Variants in GALNT17 observed in about 807,000 individuals in gnomAD.
GALNT17 encodes the protein polypeptide N-acetylgalactosaminyltransferase 17.
A neutral mutation model predicts 63.7 loss-of-function variants in GALNT17; 29 were observed. That is an observed-to-expected ratio of 0.46 (90% CI 0.34 to 0.62). The LOEUF (loss-of-function observed/expected upper bound fraction) is 0.62. Ranked by LOEUF, GALNT17 falls within the 20% of genes least tolerant of loss-of-function variation. The probability of loss-of-function intolerance (pLI) is 0.01; values close to 1 mark genes in which losing one functional copy is unlikely to be tolerated. For missense variants in GALNT17, 603 were observed against 799.6 expected, an observed-to-expected ratio of 0.75 and a Z score of 2.97; for synonymous variants, 305 against 318.3, an observed-to-expected ratio of 0.96 and a Z score of 0.45.
chr7:71,146,866 C>G (rs1788033247), intron 1 of GALNT17, among the ~76,000 whole-genome samples: 1 of 152,142 alleles, frequency 6.6e-6, no homozygotes, highest in South Asian at 2.1e-4. Flanking sequence ...CGTTCAGACA[C>G]CAACACACGA....
At chr7:71,355,192 TCTG>T (rs1792261902) in intron 2 of GALNT17, among the ~76,000 whole-genome samples, 1 of 152,190 alleles carries the variant, frequency 6.6e-6, no homozygotes, top group Non-Finnish European at 1.5e-5. Flanking sequence ...CTTATTGAGT[TCTG>T]CTTTTTATGT....
intron 1 of GALNT17, among the ~76,000 whole-genome samples, chr7:71,226,600 C>T (rs1440722286): frequency 1.3e-5 from 2 of 152,138 alleles, no homozygotes; most frequent in African/African-American, 4.8e-5. Flanking sequence ...CCACCTCAGC[C>T]TCCAAAGTAG....
At chr7:71,427,346 T>C (rs1400359838) in intron 5 of GALNT17, among the ~76,000 whole-genome samples, 2 of 152,050 alleles carry the variant, frequency 1.3e-5, no homozygotes, top group Non-Finnish European at 2.9e-5. Flanking sequence ...TCTGCCTGCC[T>C]CAGCCCCCTA....
intron 1 of GALNT17, among the ~76,000 whole-genome samples, chr7:71,274,070 G>A (rs567064796): frequency 3.2e-4 from 49 of 152,332 alleles, no homozygotes; most frequent in East Asian, 1.9e-3. Flanking sequence ...TGGGTAGGGC[G>A]AGGGCATATG....
At chr7:71,150,896 C>T (rs1011375912) in intron 1 of GALNT17, among the ~76,000 whole-genome samples, 4 of 148,576 alleles carry the variant, frequency 2.7e-5, no homozygotes, top group African/African-American at 7.5e-5. Flanking sequence ...GTCCCAGCTA[C>T]GTGGGAGGTT....
intron 2 of GALNT17, among the ~76,000 whole-genome samples, chr7:71,337,008 T>C (rs1049389480): frequency 1.3e-5 from 2 of 152,172 alleles, no homozygotes; most frequent in Admixed American, 6.5e-5. Flanking sequence ...GTTATTTTTT[T>C]TACTTTTTAA....
chr7:71,483,837 T>C (rs573400155), intron 5 of GALNT17, among the ~76,000 whole-genome samples: 2 of 152,326 alleles, frequency 1.3e-5, no homozygotes, highest in Non-Finnish European at 2.9e-5. Flanking sequence ...TTTCTTTCTT[T>C]ATAGCTTTAA....
At chr7:71,281,895 G>A (rs1367902733) in intron 1 of GALNT17, among the ~76,000 whole-genome samples, 1 of 152,128 alleles carries the variant, frequency 6.6e-6, no homozygotes, top group African/African-American at 2.4e-5. Context: ...TAGTGTCGTG[G>A]GATGAAGATG....
At chr7:71,665,674 A>G (rs1460337171) in intron 7 of GALNT17, 78 bp downstream of exon 7, 17 of 1,475,846 alleles carry the variant, frequency 1.2e-5, no homozygotes, top group African/African-American at 1.4e-5. Context: ...TAATAAACCA[A>G]TCGTTCCTCC....
chr7:71,149,336 T>A (rs1363051002), intron 1 of GALNT17, among the ~76,000 whole-genome samples: 1 of 152,136 alleles, frequency 6.6e-6, no homozygotes, highest in East Asian at 1.9e-4. Context: ...AAGATGAAAC[T>A]AAGGGAAATA....
chr7:71,436,674 G>A (rs1379509221), intron 5 of GALNT17, among the ~76,000 whole-genome samples: 4 of 147,776 alleles, frequency 2.7e-5, no homozygotes, highest in South Asian at 2.2e-4. Flanking sequence ...AGCTGAGATC[G>A]CACCACTGCA....
intron 1 of GALNT17, among the ~76,000 whole-genome samples, chr7:71,184,110 G>C (rs1300633474): frequency 1.3e-5 from 2 of 152,158 alleles, no homozygotes; most frequent in East Asian, 1.9e-4. Flanking sequence ...TTAGGACACA[G>C]ACACACACAG....
At chr7:71,685,122 G>A (rs845056) in intron 9 of GALNT17, among the ~76,000 whole-genome samples, 64,968 of 151,884 alleles carry the variant, frequency 0.43, 16,015 homozygotes, top group African/African-American at 0.69. Flanking sequence ...TGAGTCCTTC[G>A]GTGTTCTCCA....
chr7:71,461,414 A>C (rs1409612505), intron 5 of GALNT17, among the ~76,000 whole-genome samples: 3 of 152,244 alleles, frequency 2.0e-5, no homozygotes. Flanking sequence ...TGTTCTCATT[A>C]AGAAACCAAG....
At chr7:71,635,332 A>G (rs1223721856) in intron 6 of GALNT17, among the ~76,000 whole-genome samples, 1 of 152,138 alleles carries the variant, frequency 6.6e-6, no homozygotes, top group Non-Finnish European at 1.5e-5. Flanking sequence ...AATGTTTCTT[A>G]CTAGACTTAA....
chr7:71,638,085 A>G (rs1790553209), intron 6 of GALNT17, among the ~76,000 whole-genome samples: 1 of 152,184 alleles, frequency 6.6e-6, no homozygotes, highest in Non-Finnish European at 1.5e-5. Context: ...TCCCCTTTTT[A>G]CACCATAGAG....
intron 6 of GALNT17, among the ~76,000 whole-genome samples, chr7:71,651,661 A>G (rs563322407): frequency 6.6e-6 from 1 of 152,312 alleles, no homozygotes; most frequent in Admixed American, 6.5e-5. Flanking sequence ...CAAGCTATCT[A>G]TCAGGCTGGG....
intron 5 of GALNT17, among the ~76,000 whole-genome samples, chr7:71,566,554 C>T (rs1248247410): frequency 6.6e-6 from 1 of 152,134 alleles, no homozygotes; most frequent in African/African-American, 2.4e-5. Flanking sequence ...TGCCAGCATA[C>T]CCAGGGACCT....
chr7:71,695,828 C>T (rs550460097), intron 9 of GALNT17, among the ~76,000 whole-genome samples: 137 of 152,324 alleles, frequency 9.0e-4, no homozygotes, highest in Non-Finnish European at 1.6e-3. Flanking sequence ...AGGCCTGTAT[C>T]CTCCATGCCT....
Sources: allele counts gnomAD v4.1 joint callset (sites outside exome capture counted in the v4.1 genomes callset), GRCh38; gene constraint gnomAD v4.1.1; transcripts MANE v1.5; gene names NCBI Gene and HGNC (gene_info 2026-07-23, HGNC 2026-07-21).